CD226: variants seen among roughly 807,000 people sequenced by gnomAD.
CD226 encodes CD226 antigen.
CD226 carries 24 observed loss-of-function variants against 34.9 expected under a neutral mutation model. The observed-to-expected ratio is 0.69, with a 90% CI of 0.50 to 0.97. CD226 has a LOEUF of 0.97. Among genes scored for constraint, CD226 ranks in the 50% least tolerant of loss-of-function variants. The pLI is 0.00. For missense variants in CD226, 397 were observed against 412.7 expected (o/e 0.96, Z 0.33); for synonymous variants, 148 against 147.4 (o/e 1.00, Z -0.03).
upstream of CD226, chr18:69,957,120 C>T (rs2055904507): frequency 6.6e-6 from 1 of 152,194 alleles, no homozygotes; most frequent in South Asian, 2.1e-4. Context: ...AAAGTTCTGT[C>T]CCTCTTTTCC....
intron 5 of CD226, among the ~76,000 whole-genome samples, chr18:69,866,570 A>G (rs2145176011): frequency 6.6e-6 from 1 of 152,356 alleles, no homozygotes; most frequent in East Asian, 1.9e-4. Context: ...GAATATCATT[A>G]CGTTCTTCTA....
chr18:69,930,532 G>A (rs1215004582), intron 2 of CD226, among the ~76,000 whole-genome samples: 3 of 145,262 alleles, frequency 2.1e-5, no homozygotes, highest in African/African-American at 5.0e-5. Context: ...TCTAAGCAAC[G>A]TGAACTCTGA....
chr18:69,873,641 G>A (rs2145192463), intron 3 of CD226, among the ~76,000 whole-genome samples: 1 of 151,868 alleles, frequency 6.6e-6, no homozygotes. Context: ...AGGTTTAGGA[G>A]AGGGGATCAC....
intron 2 of CD226, among the ~76,000 whole-genome samples, chr18:69,918,766 ACAG>A: frequency 6.6e-6 from 1 of 152,326 alleles, no homozygotes; most frequent in South Asian, 2.1e-4. Context: ...GAGCAGAGCC[ACAG>A]CCATCAGCAG....
upstream of CD226, among the ~76,000 whole-genome samples, chr18:69,960,031 G>A (rs1197395164): frequency 6.6e-6 from 1 of 152,168 alleles, no homozygotes; most frequent in Non-Finnish European, 1.5e-5. Flanking sequence ...CGGATCACAT[G>A]AAGTTCGAGA....
chr18:69,872,060 G>A (rs1185600709), intron 4 of CD226, among the ~76,000 whole-genome samples: 2 of 123,236 alleles, frequency 1.6e-5, no homozygotes, highest in Non-Finnish European at 3.6e-5. Flanking sequence ...AACAAGGGGT[G>A]TGTGTGTGTG....
At position 69,946,956 on chromosome 18, in the gene CD226, C is replaced by T. The variant is rs973527815; in HGVS notation, c.160G>A (p.Gly54Arg). ...ATGGCTATGGAATCCTGCTGGGTCC[C>T]GATCTTGAACCACTCCACCTGTGTT... ...ILTQVEWFKI[G>R]TQQDSIAIFS... The change falls in exon 2 of 6, where the codon GGG (glycine) becomes AGG (arginine). Residue 54 changes from glycine to arginine, a missense_variant. Physicochemically the swap from Gly to Arg is moderately radical, Grantham distance 125. Transcript: ENST00000582621. The T allele has an allele frequency of 7.4e-6, 12 of 1,614,046 alleles. No individual in the cohort carries two copies. Among genetic ancestry groups the T allele is most frequent in the East Asian group, 6.7e-5 (3 of 44,890 alleles).
At chr18:69,883,703 C>T (rs1984397614) in intron 3 of CD226, among the ~76,000 whole-genome samples, 5 of 152,178 alleles carry the variant, frequency 3.3e-5, no homozygotes, top group African/African-American at 1.2e-4. Context: ...AGAAATAAGG[C>T]CTATTGTATA....
At chr18:69,907,893 G>C (rs1338202293) in intron 2 of CD226, among the ~76,000 whole-genome samples, 4 of 152,006 alleles carry the variant, frequency 2.6e-5, no homozygotes, top group Non-Finnish European at 2.9e-5. Context: ...TGAGAGGATG[G>C]ATACATGAAC....
rs373873335 is a variant in CD226, at chr18:69,886,905, T to C, written c.727+8796A>G. On this transcript the variant is annotated intron_variant, in intron 3 of 5. Transcript: ENST00000582621. ...GACTATCCAATTTTAAACCATTTTA[T>C]GAAAAAAATTCCCTAAGTGCTCTAC... is the stretch of plus-strand genomic sequence containing the variant. 1.9e-4 allele frequency among the ~76,000 whole-genome samples: 29 copies of C among 152,244 alleles called. No individual in the cohort carries two copies. In the East Asian group the frequency reaches 3.5e-3, roughly 18 times the overall value.
chr18:69,923,679 C>T (rs1480901757), intron 2 of CD226, among the ~76,000 whole-genome samples: 7 of 152,156 alleles, frequency 4.6e-5, no homozygotes, highest in Admixed American at 4.6e-4. Context: ...TCAGGCCGGG[C>T]GCGGTGGCTC....
chr18:69,907,900 G>T lies in CD226; in HGVS notation c.383-11855C>A, dbSNP rs769688223. On this transcript the variant is annotated intron_variant, in intron 2 of 5. Transcript: ENST00000582621. ...TAAGTATTTGAGAGGATGGATACAT[G>T]AACTAGCTTGATTTAATTATTACAC... Among the ~76,000 whole-genome samples, 54 of 152,210 alleles carry T rather than the reference G, an allele frequency of 3.5e-4. 1 individual carries two copies. Among genetic ancestry groups the T allele is most frequent in the Middle Eastern group, 3.4e-3 (1 of 294 alleles).
chr18:69,879,682 G>A (rs937178169), intron 3 of CD226, among the ~76,000 whole-genome samples: 6 of 152,194 alleles, frequency 3.9e-5, no homozygotes, highest in African/African-American at 1.2e-4. Flanking sequence ...CTCAGCTTAC[G>A]AAGATGACGG....
chr18:69,960,038 G>A (rs898026233), upstream of CD226, among the ~76,000 whole-genome samples: 43 of 152,150 alleles, frequency 2.8e-4, no homozygotes, highest in Non-Finnish European at 4.9e-4. Flanking sequence ...CATGAAGTTC[G>A]AGACCAGCCT....
chr18:69,943,672 C>T (rs2055753538), intron 2 of CD226, among the ~76,000 whole-genome samples: 1 of 152,170 alleles, frequency 6.6e-6, no homozygotes. Flanking sequence ...CTGACAGTTA[C>T]ATCAATTTGC....
chr18:69,897,927 C>T (rs1012856787), intron 2 of CD226, among the ~76,000 whole-genome samples: 3 of 151,948 alleles, frequency 2.0e-5, no homozygotes, highest in Admixed American at 6.6e-5. Context: ...TCTGTACAAC[C>T]GTTTACCAAA....
intron 4 of CD226, among the ~76,000 whole-genome samples, chr18:69,872,656 C>G (rs1983607352): frequency 6.6e-6 from 1 of 152,194 alleles, no homozygotes; most frequent in Admixed American, 6.5e-5. Flanking sequence ...ACCTAGATTT[C>G]TTGGTTCTGA....
At chr18:69,932,677 C>G (rs1226091934) in intron 2 of CD226, among the ~76,000 whole-genome samples, 1 of 152,200 alleles carries the variant, frequency 6.6e-6, no homozygotes, top group African/African-American at 2.4e-5. Context: ...ACAGCATGAC[C>G]ACGCTTCAGT....
At chr18:69,893,939 G>A (rs972311753) in intron 3 of CD226, among the ~76,000 whole-genome samples, 15 of 152,202 alleles carry the variant, frequency 9.9e-5, no homozygotes, top group Non-Finnish European at 1.6e-4. Context: ...AACACAGGAA[G>A]AAATATCAGT....
Sources: allele counts gnomAD v4.1 joint callset (sites outside exome capture counted in the v4.1 genomes callset), GRCh38; gene constraint gnomAD v4.1.1; transcripts MANE v1.5; gene names NCBI Gene and HGNC (gene_info 2026-07-23, HGNC 2026-07-21).